Variants in GSDMC observed in about 807,000 individuals in gnomAD.
GSDMC encodes gasdermin C, also known as gasdermin-C.
A neutral mutation model predicts 58.0 loss-of-function variants in GSDMC; 59 were observed. The observed-to-expected ratio is 1.02, with a 90% CI of 0.82 to 1.26. GSDMC has a LOEUF of 1.26. GSDMC is among the 50% of genes most tolerant of loss of function. The probability of loss-of-function intolerance (pLI) is 0.00; values close to 1 mark genes in which losing one functional copy is unlikely to be tolerated. For synonymous variants in GSDMC, 241 were observed against 220.2 expected, an observed-to-expected ratio of 1.09 and a Z score of -0.83; for missense variants, 659 against 598.5, an observed-to-expected ratio of 1.10 and a Z score of -1.06.
At chr8:129,727,114 C>T in the GSDMC span, among the ~76,000 whole-genome samples, 1 of 151,802 alleles carries the variant, frequency 6.6e-6, no homozygotes, top group Non-Finnish European at 1.5e-5. Context: ...CAGAATGTGC[C>T]CTTATTTGGA....
At chr8:129,734,124 G>C in the GSDMC span, among the ~76,000 whole-genome samples, 1 of 152,020 alleles carries the variant, frequency 6.6e-6, no homozygotes, top group Non-Finnish European at 1.5e-5. Flanking sequence ...GAAGTTTAGA[G>C]AAAAAAAGTA....
At chr8:129,749,712 G>A (rs1428561495) in intron 12 of GSDMC, among the ~76,000 whole-genome samples, 187 bp from the exon 13 acceptor site, 1 of 152,186 alleles carries the variant, frequency 6.6e-6, no homozygotes, top group Non-Finnish European at 1.5e-5. Context: ...AAATAAGAGG[G>A]ACCAGAGGAC....
chr8:129,724,755 A>G, the GSDMC span, among the ~76,000 whole-genome samples: 2 of 152,246 alleles, frequency 1.3e-5, no homozygotes, highest in Non-Finnish European at 2.9e-5. Flanking sequence ...GAAATTATGG[A>G]AAAAAATGTT....
chr8:129,716,238 C>T, the GSDMC span, among the ~76,000 whole-genome samples: 1 of 152,022 alleles, frequency 6.6e-6, no homozygotes, highest in Non-Finnish European at 1.5e-5. Context: ...AAAAGCAAGA[C>T]ACAATCATAT....
chr8:129,710,070 C>T, the GSDMC span, among the ~76,000 whole-genome samples: 1 of 152,216 alleles, frequency 6.6e-6, no homozygotes, highest in Non-Finnish European at 1.5e-5. Context: ...TGAATGCAAG[C>T]ATAAATGATA....
At chr8:129,760,124 C>T (rs555971630) in intron 6 of GSDMC, among the ~76,000 whole-genome samples, 3 of 152,220 alleles carry the variant, frequency 2.0e-5, no homozygotes, top group South Asian at 4.1e-4. Context: ...GAAACACAAA[C>T]ATTTTATGTT....
chr8:129,711,718 T>C, the GSDMC span, among the ~76,000 whole-genome samples: 1 of 152,222 alleles, frequency 6.6e-6, no homozygotes, highest in South Asian at 2.1e-4. Flanking sequence ...GGCAAGTTAC[T>C]TGACATCTCT....
chr8:129,777,832 G>A (rs967974), intron 1 of GSDMC, among the ~76,000 whole-genome samples: 24,786 of 151,942 alleles, frequency 0.16, 2,422 homozygotes, highest in Non-Finnish European at 0.21. Context: ...GTGATTCTCC[G>A]CCTCAGCCTA....
chr8:129,724,940 T>C, the GSDMC span, among the ~76,000 whole-genome samples: 751 of 152,268 alleles, frequency 4.9e-3, 7 homozygotes, highest in African/African-American at 0.016. Context: ...GGGACTAAGA[T>C]CTCAAGCTCT....
the GSDMC span, among the ~76,000 whole-genome samples, chr8:129,715,789 A>AT: frequency 6.6e-6 from 1 of 152,190 alleles, no homozygotes; most frequent in East Asian, 1.9e-4. Context: ...AACATATAAG[A>AT]TTTTTTATTA....
chr8:129,739,900 A>T, the GSDMC span, among the ~76,000 whole-genome samples: 51 of 152,234 alleles, frequency 3.4e-4, no homozygotes, highest in African/African-American at 1.2e-3. Flanking sequence ...ATCCTAGGAG[A>T]TGACACCTCC....
At chr8:129,713,557 A>C in the GSDMC span, among the ~76,000 whole-genome samples, 1 of 152,158 alleles carries the variant, frequency 6.6e-6, no homozygotes. Flanking sequence ...AAATGTGGAG[A>C]GCATACCACC....
intron 6 of GSDMC, among the ~76,000 whole-genome samples, chr8:129,756,266 G>T (rs999611498): frequency 2.0e-5 from 3 of 151,738 alleles, no homozygotes; most frequent in Non-Finnish European, 4.4e-5. Flanking sequence ...ACAAAAAAAG[G>T]TCATTATATA....
chr8:129,775,421 G>A (rs58136260), intron 3 of GSDMC, among the ~76,000 whole-genome samples: 3,437 of 152,140 alleles, frequency 0.023, 126 homozygotes, highest in African/African-American at 0.076. Context: ...AGGGAAATGG[G>A]GCACATTGGT....
the GSDMC span, chr8:129,730,175 A>G: frequency 7.0e-6 from 8 of 1,135,052 alleles, no homozygotes. Flanking sequence ...TGAAAAAGTT[A>G]TGTGTAAAAC....
intron 7 of GSDMC, among the ~76,000 whole-genome samples, chr8:129,752,401 G>T (rs1261216877): frequency 6.6e-6 from 1 of 152,194 alleles, no homozygotes; most frequent in Non-Finnish European, 1.5e-5. Context: ...GGGGACAGTG[G>T]CTGGGTCAGA....
chr8:129,706,442 C>T, the GSDMC span: 1 of 152,190 alleles, frequency 6.6e-6, no homozygotes, highest in African/African-American at 2.4e-5. Context: ...CTCTTTTCCT[C>T]ACTTTTCTGT....
chr8:129,753,175 A>C (rs1247850125), intron 6 of GSDMC, among the ~76,000 whole-genome samples: 4 of 152,204 alleles, frequency 2.6e-5, no homozygotes, highest in African/African-American at 9.6e-5. Flanking sequence ...TGACTAAAAA[A>C]AGGTGCTTGC....
At chr8:129,743,708 G>A (rs1186551535), downstream of GSDMC, among the ~76,000 whole-genome samples, 2 of 152,090 alleles carry the variant, frequency 1.3e-5, no homozygotes, top group Non-Finnish European at 2.9e-5. Context: ...GCTTTAGCTG[G>A]CAACTAGTTA....
Sources: allele counts gnomAD v4.1 joint callset (sites outside exome capture counted in the v4.1 genomes callset), GRCh38; gene constraint gnomAD v4.1.1; transcripts MANE v1.5; gene names NCBI Gene and HGNC (gene_info 2026-07-23, HGNC 2026-07-21).